TRIM64B: variants seen among roughly 807,000 people sequenced by gnomAD.
TRIM64B encodes tripartite motif-containing protein 64B.
For missense variants in TRIM64B, 57 were observed against 536.4 expected, an observed-to-expected ratio of 0.11 and a Z score of 8.83; for synonymous variants, 17 against 190.3, an observed-to-expected ratio of 0.09 and a Z score of 7.50.
At chr11:89,876,891 T>G (rs1253249102), upstream of TRIM64B, among the ~76,000 whole-genome samples, 1 of 149,270 alleles carries the variant, frequency 6.7e-6, no homozygotes, top group African/African-American at 2.4e-5. Context: ...GGCATTTTTG[T>G]TAAACAAGCC....
At chr11:89,875,485 T>C in intron 1 of TRIM64B, 125 bp downstream of exon 2, 2 of 1,413,930 alleles carry the variant, frequency 1.4e-6, no homozygotes, top group Non-Finnish European at 9.4e-7. Flanking sequence ...ATTCATGTGT[T>C]ATGATTGACA....
intron 4 of TRIM64B, among the ~76,000 whole-genome samples, 185 bp downstream of exon 5, chr11:89,873,083 T>C: frequency 6.6e-6 from 1 of 152,122 alleles, no homozygotes; most frequent in Non-Finnish European, 1.5e-5. Flanking sequence ...TTTATGTATG[T>C]TTTAATTCAT....
intron 4 of TRIM64B, among the ~76,000 whole-genome samples, chr11:89,872,922 C>CTTTTTTTT (rs34678191): frequency 7.4e-6 from 1 of 135,940 alleles, no homozygotes. Context: ...CTCCCTCTGT[C>CTTTTTTTT]TTTTTTTTTT....
In TRIM64B at chr11:89,875,591, C is replaced by G; in HGVS notation, c.408+19G>C. The G allele has an allele frequency of 6.8e-7, 1 of 1,465,372 alleles. No homozygotes were observed. The highest frequency in any genetic ancestry group is 9.2e-7 in the Non-Finnish European group (1 of 1,091,704). The allele number at this position is 1,465,372 out of a possible 1,614,324, so 90.8% of individuals were successfully genotyped here. ...TTGGGATTCTGTATAATTCAAACTG[C>G]CTTAGAGGCATCACGTACCCTGCAT... On this transcript the variant is annotated intron_variant, in intron 1 of 5. Coordinates refer to ENST00000329862, the Ensembl canonical transcript of TRIM64B.
At chr11:89,873,987 T>C (rs920116024) in intron 3 of TRIM64B, 62 bp downstream of exon 4, 18 of 1,180,922 alleles carry the variant, frequency 1.5e-5, no homozygotes, top group Admixed American at 8.2e-5. Flanking sequence ...GATATTTGCA[T>C]GTCCTGGCAG....
upstream of TRIM64B, among the ~76,000 whole-genome samples, chr11:89,878,352 G>A (rs1950178030): frequency 1.5e-5 from 2 of 131,196 alleles, no homozygotes; most frequent in Non-Finnish European, 3.3e-5. Flanking sequence ...TGATGGTTTT[G>A]CTGCACACTG....
chr11:89,872,570 T>C (rs1476570671), intron 4 of TRIM64B, among the ~76,000 whole-genome samples: 1 of 151,780 alleles, frequency 6.6e-6, no homozygotes, highest in Non-Finnish European at 1.5e-5. Context: ...AGTCATTGCC[T>C]CCCTCTGCCC....
chr11:89,874,225 T>G (rs1227974429), exon 3 of TRIM64B: 4 of 1,515,118 alleles, frequency 2.6e-6, no homozygotes, highest in East Asian at 5.1e-5. Context: ...TCGAGAAATA[T>G]AGGCATCTTT....
At chr11:89,871,311 A>G (rs1346769953) in intron 5 of TRIM64B, among the ~76,000 whole-genome samples, 197 bp from the exon 7 acceptor site, 28 of 152,314 alleles carry the variant, frequency 1.8e-4, no homozygotes, top group African/African-American at 6.7e-4. Flanking sequence ...TTCCTTAAGT[A>G]ATAGAGAAAA....
At chr11:89,876,398 T>C (rs66524234), upstream of TRIM64B, among the ~76,000 whole-genome samples, 21,617 of 143,176 alleles carry the variant, frequency 0.15, 1,175 homozygotes, top group Non-Finnish European at 0.18. Flanking sequence ...TGTAATGCCA[T>C]ACTGTTTAGG....
chr11:89,873,770 C>T (rs1950135225), intron 3 of TRIM64B, among the ~76,000 whole-genome samples: 1 of 103,906 alleles, frequency 9.6e-6, no homozygotes, highest in Admixed American at 1.0e-4. Context: ...CTTCCCCTGG[C>T]CTAGAGTTCT....
At chr11:89,872,156 A>T in intron 5 of TRIM64B, 59 bp downstream of exon 6, 1 of 1,510,474 alleles carries the variant, frequency 6.6e-7, no homozygotes, top group South Asian at 1.2e-5. Context: ...AAAATCCTCA[A>T]CCAAGGGACC....
chr11:89,877,625 T>TG (rs1950173542), upstream of TRIM64B, among the ~76,000 whole-genome samples: 1 of 148,376 alleles, frequency 6.7e-6, no homozygotes, highest in Non-Finnish European at 1.5e-5. Flanking sequence ...TTTTTTTTTT[T>TG]GTTGCTGTTG....
chr11:89,876,518 C>G (rs555592669), upstream of TRIM64B, among the ~76,000 whole-genome samples: 2 of 149,626 alleles, frequency 1.3e-5, no homozygotes, highest in African/African-American at 4.8e-5. Context: ...GTCAGGAGAT[C>G]GAGACCATCC....
At chr11:89,877,614 T>TG (rs1191194492), upstream of TRIM64B, among the ~76,000 whole-genome samples, 1 of 147,082 alleles carries the variant, frequency 6.8e-6, no homozygotes, top group African/African-American at 2.5e-5. Flanking sequence ...TTTTTCTTTT[T>TG]TTTTTTTTTT....
At chr11:89,877,129 T>C (rs1161571664), upstream of TRIM64B, among the ~76,000 whole-genome samples, 1 of 124,366 alleles carries the variant, frequency 8.0e-6, no homozygotes, top group Admixed American at 8.9e-5. Flanking sequence ...CAAACTCACC[T>C]ATGAAGTTTG....
chr11:89,873,350 C>A, intron 3 of TRIM64B, 60 bp from the exon 5 acceptor site: 1 of 1,539,924 alleles, frequency 6.5e-7, no homozygotes, highest in South Asian at 1.2e-5. Context: ...CATCTTTTCT[C>A]ATACTCTTGT....
At chr11:89,871,267 A>C (rs529768569) in intron 5 of TRIM64B, among the ~76,000 whole-genome samples, 153 bp from the exon 7 acceptor site, 1 of 152,362 alleles carries the variant, frequency 6.6e-6, no homozygotes, top group African/African-American at 2.4e-5. Context: ...ATGAAATGTT[A>C]TTACACCTCT....
chr11:89,876,634 A>C (rs1350684706), upstream of TRIM64B, among the ~76,000 whole-genome samples: 1 of 149,262 alleles, frequency 6.7e-6, no homozygotes, highest in Non-Finnish European at 1.5e-5. Context: ...AGGCAGGAGA[A>C]TCGCTTGAAC....
Sources: allele counts gnomAD v4.1 joint callset (sites outside exome capture counted in the v4.1 genomes callset), GRCh38; gene constraint gnomAD v4.1.1; transcripts MANE v1.5; gene names NCBI Gene and HGNC (gene_info 2026-07-23, HGNC 2026-07-21).